Variants in CEMIP observed in about 807,000 individuals in gnomAD.
CEMIP encodes the protein cell migration inducing hyaluronidase 1, also known as cell migration-inducing and hyaluronan-binding protein.
CEMIP carries 105 observed loss-of-function variants against 156.9 expected under a neutral mutation model. The ratio of observed to expected loss-of-function variants is 0.67; its 90% CI spans 0.57 to 0.79. The LOEUF (loss-of-function observed/expected upper bound fraction) is 0.79, where lower values mean the gene tolerates loss of function less well. Among genes scored for constraint, CEMIP ranks in the 30% least tolerant of loss-of-function variants. CEMIP has a pLI of 0.00. For missense variants in CEMIP, 1,457 were observed against 1,769.4 expected (o/e 0.82, Z 3.17); for synonymous variants, 676 against 668.4 (o/e 1.01, Z -0.17).
chr15:80,795,473 A>C (rs1896198825), intron 1 of CEMIP, among the ~76,000 whole-genome samples: 1 of 152,030 alleles, frequency 6.6e-6, no homozygotes, highest in Non-Finnish European at 1.5e-5. Context: ...TGGATTGGAC[A>C]TAGGGTAAGG....
chr15:80,861,864 G>T (rs1596140672), intron 1 of CEMIP, among the ~76,000 whole-genome samples: 1 of 152,240 alleles, frequency 6.6e-6, no homozygotes. Context: ...GACTTGGGTA[G>T]CTCCAAGTTC....
chr15:80,946,914 T>C, intron 28 of CEMIP, 51 bp from the exon 29 acceptor site: 2 of 1,300,146 alleles, frequency 1.5e-6, no homozygotes, highest in Non-Finnish European at 2.2e-6. Flanking sequence ...CCATGCCCAC[T>C]TTCTCCAGTT....
intron 28 of CEMIP, among the ~76,000 whole-genome samples, chr15:80,944,460 C>T (rs1395916851): frequency 6.6e-6 from 1 of 152,028 alleles, no homozygotes; most frequent in African/African-American, 2.4e-5. Context: ...CACTCAGGAG[C>T]CACAACCTGG....
chr15:80,931,833 G>C (rs1900923855), intron 21 of CEMIP, 26 bp from the exon 22 acceptor site: 3 of 1,607,826 alleles, frequency 1.9e-6, no homozygotes, highest in Non-Finnish European at 2.6e-6. Flanking sequence ...CATTTAGACT[G>C]ACATCTTACT....
At chr15:80,836,623 A>ATTTTCTGCCTCCTTACCTCCTGGG (rs775542247) in intron 1 of CEMIP, among the ~76,000 whole-genome samples, 19,258 of 146,846 alleles carry the variant, frequency 0.13, 1,553 homozygotes, top group Middle Eastern at 0.22. Context: ...TTCCTCCTGG[A>ATTTTCTGCCTCCTTACCTCCTGGG]TTTTCTGCCT....
intron 1 of CEMIP, among the ~76,000 whole-genome samples, chr15:80,789,824 A>G (rs908145775): frequency 2.6e-5 from 4 of 152,232 alleles, no homozygotes; most frequent in Non-Finnish European, 4.4e-5. Flanking sequence ...TACTTTAAAC[A>G]TCTCCATATA....
chr15:80,920,142 G>C lies in CEMIP; in HGVS notation c.1846G>C (p.Glu616Gln). 1.9e-6 allele frequency: 3 copies of C among 1,614,212 alleles called. No homozygotes were observed. Among genetic ancestry groups the C allele is most frequent in the Non-Finnish European group, 1.7e-6 (2 of 1,180,042 alleles). The change falls in exon 15 of 30, where the codon GAA becomes CAA. Residue 616 changes from glutamate to glutamine, a missense_variant. This residue lies in a region of CEMIP where 798 missense variants were observed against 980.1 expected (regional missense o/e 0.81). Transcript: ENST00000394685. The stretch of plus-strand genomic sequence containing the variant: ...CTCTTTGGGCCACTGCTTCTTCACG[G>C]AAGATGGGCCGGAGGAACGCAACAC... ...YNSLGHCFFTEDGPEERNTFD... is the reference protein window; with the variant it reads ...YNSLGHCFFTQDGPEERNTFD...
rs75467674 is a variant in CEMIP at position 80,940,714 on chromosome 15, G to A, written c.3408-1135G>A. 1.1e-3 allele frequency among the ~76,000 whole-genome samples: 163 copies of A among 152,314 alleles called. 4 individuals are homozygous for A. In the East Asian group the frequency reaches 0.029, roughly 28 times the overall value. On this transcript the variant is annotated intron_variant, in intron 25 of 29. Transcript: ENST00000394685. ...GGTGCTACAGAGAGAAGACCAAGGG[G>A]TCTTCAAGAAATAAAAACCCAGCTG...
chr15:80,825,639 G>T (rs1193398474), intron 1 of CEMIP, among the ~76,000 whole-genome samples: 3 of 152,220 alleles, frequency 2.0e-5, no homozygotes, highest in Non-Finnish European at 4.4e-5. Context: ...CTTCTCATTA[G>T]CATTGGGAGG....
intron 25 of CEMIP, among the ~76,000 whole-genome samples, chr15:80,938,866 G>A (rs1901236652): frequency 6.6e-6 from 1 of 152,200 alleles, no homozygotes; most frequent in African/African-American, 2.4e-5. Context: ...AGCAAACTGT[G>A]AGGAGTAAGG....
At chr15:80,841,635 TC>T (rs1441221375) in intron 1 of CEMIP, among the ~76,000 whole-genome samples, 1 of 152,174 alleles carries the variant, frequency 6.6e-6, no homozygotes, top group East Asian at 1.9e-4. Flanking sequence ...TCTTTCTTTT[TC>T]CTTCCTTCTC....
chr15:80,873,142 G>A (rs1178031641), intron 1 of CEMIP, among the ~76,000 whole-genome samples: 8 of 152,194 alleles, frequency 5.3e-5, no homozygotes, highest in Non-Finnish European at 4.4e-5. Flanking sequence ...CACAACTAAT[G>A]CAAGGGAGAC....
intron 1 of CEMIP, among the ~76,000 whole-genome samples, chr15:80,826,733 A>G (rs1479328717): frequency 6.6e-6 from 1 of 152,202 alleles, no homozygotes; most frequent in East Asian, 1.9e-4. Context: ...GAAGTCATGC[A>G]TTTGGCCTTC....
At chr15:80,850,875 A>G (rs2866983) in intron 1 of CEMIP, among the ~76,000 whole-genome samples, 144,290 of 152,310 alleles carry the variant, frequency 0.95, 68,370 homozygotes, top group East Asian at 0.98. Flanking sequence ...CGAAATTCTG[A>G]AAACATCTTT....
At chr15:80,903,926 G>A (rs1031948120) in intron 12 of CEMIP, among the ~76,000 whole-genome samples, 1 of 152,228 alleles carries the variant, frequency 6.6e-6, no homozygotes, top group Non-Finnish European at 1.5e-5. Flanking sequence ...CCCTGCTTCT[G>A]GATCTTAGAA....
intron 1 of CEMIP, among the ~76,000 whole-genome samples, chr15:80,858,868 T>C (rs1897917832): frequency 6.6e-6 from 1 of 152,244 alleles, no homozygotes; most frequent in Admixed American, 6.5e-5. Flanking sequence ...GCTCATGCAA[T>C]TGAAAGTCCA....
chr15:80,798,801 A>G (rs2141596750), intron 1 of CEMIP, among the ~76,000 whole-genome samples: 1 of 152,262 alleles, frequency 6.6e-6, no homozygotes, highest in Admixed American at 6.5e-5. Context: ...AAATATTTTC[A>G]TGCAGTTCAA....
chr15:80,862,570 A>G (rs140751988), intron 1 of CEMIP, among the ~76,000 whole-genome samples: 1 of 152,282 alleles, frequency 6.6e-6, no homozygotes, highest in Non-Finnish European at 1.5e-5. Context: ...CATGTAACTG[A>G]GCATGGACTC....
chr15:80,861,423 G>A (rs1257078209), intron 1 of CEMIP, among the ~76,000 whole-genome samples: 4 of 152,184 alleles, frequency 2.6e-5, no homozygotes, highest in Non-Finnish European at 4.4e-5. Flanking sequence ...GCTCATCTTT[G>A]CTGATCCTTG....
Sources: gnomAD v4.1 joint callset for allele counts (sites outside exome capture counted in the v4.1 genomes callset) on GRCh38, gnomAD v4.1.1 for gene constraint, gnomAD v4.1.1 regional missense constraint, MANE v1.5 for transcripts, NCBI Gene and HGNC (gene_info 2026-07-23, HGNC 2026-07-21) for gene names.